The following PYGB variants were observed in gnomAD, a reference collection of about 807,000 sequenced individuals.
The protein encoded by PYGB is glycogen phosphorylase, brain form.
In PYGB, 82 loss-of-function variants were observed where a neutral mutation model predicts 94.3. The ratio of observed to expected loss-of-function variants is 0.87; its 90% CI spans 0.73 to 1.04. PYGB has a LOEUF of 1.04. Ranked by LOEUF, PYGB falls within the 50% of genes least tolerant of loss-of-function variation. The pLI is 0.00. For synonymous variants in PYGB, 488 were observed against 479.1 expected (o/e 1.02, Z -0.24); for missense variants, 1,132 against 1,158.2 (o/e 0.98, Z 0.33).
intron 4 of PYGB, among the ~76,000 whole-genome samples, chr20:25,274,204 C>T (rs2500411): frequency 0.025 from 3,780 of 152,334 alleles, 143 homozygotes; most frequent in African/African-American, 0.083. Context: ...CTCTCACCCG[C>T]TTTCTGTCTC....
chr20:25,281,179 C>T lies in PYGB; in HGVS notation c.1403+67C>T, dbSNP rs1048795863. On this transcript the variant is annotated intron_variant, in intron 11 of 19. Coordinates refer to ENST00000216962, the MANE Select transcript of PYGB (RefSeq NM_002862.4). Reference sequence around the variant, plus strand: ...CACCCAGGCCTGCGTCTAGGACCATCCACCAAACACATGGACCCAGCTATA... The same window carrying T: ...CACCCAGGCCTGCGTCTAGGACCATTCACCAAACACATGGACCCAGCTATA... The T allele has an allele frequency of 9.6e-6, 15 of 1,569,824 alleles. No individual in the cohort carries two copies. In the African/African-American group the frequency reaches 2.0e-4, roughly 21 times the overall value.
At chr20:25,295,817 G>A (rs2088533432) in intron 19 of PYGB, 147 bp downstream of exon 19, 3 of 904,802 alleles carry the variant, frequency 3.3e-6, no homozygotes, top group Non-Finnish European at 5.2e-6. Context: ...AGTCGGCTGT[G>A]CCTGCCTTTA....
In PYGB at chr20:25,278,311, G is replaced by A. The variant is rs571114567; in HGVS notation, c.856-8G>A. 1 of 1,356,082 alleles carries A rather than the reference G, an allele frequency of 7.4e-7. No individual in the cohort carries two copies. Among genetic ancestry groups the A allele is most frequent in the Admixed American group, 2.1e-5 (1 of 48,732 alleles). 84.0% of individuals were successfully genotyped at this position (1,356,082 alleles called of 1,614,324 possible). A position where few individuals can be genotyped will look rare whatever the true frequency, so the allele number is the denominator to read the frequency against. On this transcript the variant is annotated splice_region_variant and splice_polypyrimidine_tract_variant and intron_variant, in intron 7 of 19. Transcript: ENST00000216962. ...CCTGCACCCTCCAGCTTGCTCTGCT[G>A]TGTGCAGTTCTTTGAGGGGAAGGAG...
At position 25,296,999 on chromosome 20, in the gene PYGB, C is replaced by G. The variant is rs2088557363; in HGVS notation, c.*477C>G. The G allele has an allele frequency of 6.0e-6, 1 of 166,570 alleles. No individual in the cohort carries two copies. The highest frequency in any genetic ancestry group is 2.4e-5 in the African/African-American group (1 of 41,550). The allele number at this position is 166,570 out of a possible 1,614,324, so 10.3% of individuals were successfully genotyped here. On this transcript the variant is annotated 3_prime_UTR_variant, in exon 20 of 20. Transcript: ENST00000216962. ...CCAAGCCCCATGTAGCCCCAGTCAT[C>G]CTGCCCAGCCCTGCCTCCTGGCCAT...
At chr20:25,281,886 C>T (rs1297707405) in intron 11 of PYGB, 147 bp from the exon 12 acceptor site, 17 of 669,542 alleles carry the variant, frequency 2.5e-5, no homozygotes, top group Middle Eastern at 8.0e-4. Flanking sequence ...CTGCAGCTGC[C>T]GCGGTCACTC....
intron 1 of PYGB, among the ~76,000 whole-genome samples, chr20:25,248,958 T>G (rs2092879626): frequency 6.6e-6 from 1 of 152,146 alleles, no homozygotes; most frequent in Non-Finnish European, 1.5e-5. Context: ...CAGGGAGGGG[T>G]ACGAAGCTCA....
Position 25,271,360 on chromosome 20 carries a change from T to C in PYGB, c.425-23T>C, listed in dbSNP as rs772042728. The C allele has an allele frequency of 4.3e-6, 7 of 1,610,434 alleles. No homozygotes were observed. The South Asian group carries it at 7.7e-5, about 18-fold the overall frequency. On this transcript the variant is annotated intron_variant, in intron 3 of 19. Coordinates refer to ENST00000216962, the MANE Select transcript of PYGB (RefSeq NM_002862.4). ...TTGGTGCCGTGCCTTTGATTCTGAC[T>C]GATTTGTGATTGATTTTTTCAGCGT...
intron 14 of PYGB, among the ~76,000 whole-genome samples, 172 bp downstream of exon 14, chr20:25,284,423 GC>G (rs917791084): frequency 1.6e-4 from 25 of 152,296 alleles, no homozygotes; most frequent in African/African-American, 5.5e-4. Context: ...TTTTCTGTGT[GC>G]CCCATGCCAG....
At chr20:25,294,578 T>C (rs949402547) in intron 18 of PYGB, among the ~76,000 whole-genome samples, 1 of 152,174 alleles carries the variant, frequency 6.6e-6, no homozygotes, top group Non-Finnish European at 1.5e-5. Context: ...TGTCCTCTGC[T>C]GGTTGGAGGT....
intron 6 of PYGB, 127 bp downstream of exon 6, chr20:25,276,884 G>A: frequency 1.3e-6 from 1 of 798,952 alleles, no homozygotes; most frequent in South Asian, 1.7e-5. Flanking sequence ...CCTCTAGGGT[G>A]TCCCTGCGTC....
In PYGB at chr20:25,295,586, T is replaced by G; in HGVS notation, c.2313-18T>G. On this transcript the variant is annotated intron_variant, in intron 18 of 19. Coordinates refer to ENST00000216962, the MANE Select transcript of PYGB (RefSeq NM_002862.4). ...GGCTCCCTGCTGCCCTGGCCCAGCC[T>G]CCTTTCTCCCATTCCAGGTTCAAGG... 6.2e-7 allele frequency: 1 copy of G among 1,612,400 alleles called. No individual in the cohort carries two copies.
At chr20:25,266,785 A>G (rs2088221704) in intron 2 of PYGB, among the ~76,000 whole-genome samples, 1 of 152,270 alleles carries the variant, frequency 6.6e-6, no homozygotes, top group Middle Eastern at 3.2e-3. Context: ...TATGAGGGAA[A>G]TGCAAATCAA....
intron 1 of PYGB, among the ~76,000 whole-genome samples, chr20:25,250,635 A>T (rs1431128992): frequency 1.3e-5 from 2 of 152,226 alleles, no homozygotes; most frequent in Non-Finnish European, 2.9e-5. Context: ...ACCAGCAACC[A>T]GTCCCACCAG....
chr20:25,248,686 T>TGAGTCCGGGAGCCTGGCGGAC (rs1568679660), intron 1 of PYGB, among the ~76,000 whole-genome samples: 2 of 152,142 alleles, frequency 1.3e-5, no homozygotes, highest in African/African-American at 4.8e-5. Flanking sequence ...CAGATGATGC[T>TGAGTCCGGGAGCCTGGCGGAC]GAGCCCGGGA....
intron 2 of PYGB, among the ~76,000 whole-genome samples, chr20:25,264,970 A>G (rs1056244488): frequency 2.0e-5 from 3 of 152,202 alleles, no homozygotes; most frequent in African/African-American, 7.2e-5. Context: ...CATCGCCAAG[A>G]CAATCCTAAG....
At chr20:25,285,959 A>G (rs1352604411) in intron 14 of PYGB, among the ~76,000 whole-genome samples, 1 of 152,144 alleles carries the variant, frequency 6.6e-6, no homozygotes, top group Non-Finnish European at 1.5e-5. Context: ...ACCCTTCACC[A>G]TGAAGGTCGG....
At position 25,292,519 on chromosome 20, in the gene PYGB, G is replaced by C. The variant is rs746469695; in HGVS notation, c.2083G>C (p.Gly695Arg). The part of the protein sequence containing the change: ...NGALTIGTMD[G>R]ANVEMAEEAG... ...GGCCCTCACCATCGGCACCATGGACGGCGCCAACGTGGAGATGGCCGAGGA... is the reference window on the plus strand; with the variant it reads ...GGCCCTCACCATCGGCACCATGGACCGCGCCAACGTGGAGATGGCCGAGGA... Residue 695 changes from glycine to arginine, a missense_variant, in exon 17 of 20, where the codon GGC becomes CGC. By Grantham distance (125) the Gly-to-Arg change is moderately radical. Coordinates refer to ENST00000216962, the MANE Select transcript of PYGB (RefSeq NM_002862.4). 2 of 1,613,626 alleles carry C rather than the reference G, an allele frequency of 1.2e-6. No individual in the cohort carries two copies. Among genetic ancestry groups the C allele is most frequent in the Non-Finnish European group, 1.7e-6 (2 of 1,180,016 alleles).
At chr20:25,274,554 C>G (rs1471624652) in intron 4 of PYGB, 38 bp from the exon 5 acceptor site, 1 of 1,603,058 alleles carries the variant, frequency 6.2e-7, no homozygotes, top group South Asian at 1.1e-5. Flanking sequence ...CCTGGGACAT[C>G]TGCGCTGAGG....
At chr20:25,283,124 C>T (rs1480056222) in intron 12 of PYGB, 52 bp from the exon 13 acceptor site, 1 of 1,484,796 alleles carries the variant, frequency 6.7e-7, no homozygotes, top group South Asian at 1.1e-5. Flanking sequence ...GCTAGGGGGC[C>T]CAGCCTCAGG....
Sources: allele counts gnomAD v4.1 joint callset (sites outside exome capture counted in the v4.1 genomes callset), GRCh38; gene constraint gnomAD v4.1.1; transcripts MANE v1.5; gene names NCBI Gene and HGNC (gene_info 2026-07-23, HGNC 2026-07-21).